The following LTV1 variants were observed in gnomAD, a reference collection of about 807,000 sequenced individuals.
LTV1 encodes LTV1 ribosome biogenesis factor.
LTV1 carries 39 observed loss-of-function variants against 59.9 expected under a neutral mutation model. The ratio of observed to expected loss-of-function variants is 0.65; its 90% CI spans 0.50 to 0.85. LTV1 has a LOEUF of 0.85. LTV1 is among the 40% of genes least tolerant of loss of function. The probability of loss-of-function intolerance (pLI) is 0.00; values close to 1 mark genes in which losing one functional copy is unlikely to be tolerated. For synonymous variants in LTV1, 171 were observed against 189.5 expected (o/e 0.90, Z 0.80); for missense variants, 493 against 549.1 (o/e 0.90, Z 1.02).
intron 7 of LTV1, among the ~76,000 whole-genome samples, chr6:143,860,926 T>A (rs1431295084): frequency 6.6e-6 from 1 of 151,622 alleles, no homozygotes; most frequent in Admixed American, 6.6e-5. Flanking sequence ...GACGGAGTCT[T>A]GCTCTGTTGC....
intron 7 of LTV1, among the ~76,000 whole-genome samples, chr6:143,861,520 G>A (rs1420776178): frequency 1.3e-5 from 2 of 152,100 alleles, no homozygotes; most frequent in African/African-American, 4.8e-5. Context: ...ATTATTCCAA[G>A]CATACGCTTT....
intron 7 of LTV1, among the ~76,000 whole-genome samples, chr6:143,861,518 A>T (rs755920142): frequency 1.6e-4 from 24 of 152,230 alleles, no homozygotes; most frequent in Middle Eastern, 3.4e-3. Context: ...GAATTATTCC[A>T]AGCATACGCT....
Position 143,862,064 on chromosome 6 carries a change from T to C in LTV1, c.924-40T>C, listed in dbSNP as rs1777173575. 1.3e-6 allele frequency: 2 copies of C among 1,588,908 alleles called. No individual in the cohort carries two copies. Among genetic ancestry groups the C allele is most frequent in the Non-Finnish European group, 1.7e-6 (2 of 1,170,246 alleles). ...ACATAGTATAATAATAGGTCATTTT[T>C]CCCCCTCTTGGTCTTCACTTTTAAA... is the stretch of plus-strand genomic sequence containing the variant. On this transcript the variant is annotated intron_variant, in intron 7 of 10. Coordinates refer to ENST00000367576, the MANE Select transcript of LTV1 (RefSeq NM_032860.5). This position sits in a 1 kb window ranked among gnomAD's most constrained non-coding sequence, Gnocchi z 4.2.
Position 143,863,154 on chromosome 6 carries a change from A to T in LTV1, c.1185A>T (p.Thr395=). 1 of 1,614,058 alleles carries T rather than the reference A, an allele frequency of 6.2e-7. No individual in the cohort carries two copies. ...PLNVLPKKGL[T]AKQTERIQMI... Reference sequence around the variant, plus strand: ...ATGTCTTACCAAAGAAAGGACTCACAGCAAAGCAAACTGAAAGAATACAGA... The same window carrying T: ...ATGTCTTACCAAAGAAAGGACTCACTGCAAAGCAAACTGAAAGAATACAGA... The change falls in exon 10 of 11, where the codon ACA becomes ACT. Residue 395 remains threonine (T), a synonymous_variant. Transcript: ENST00000367576. This position sits in a 1 kb window ranked among gnomAD's most constrained non-coding sequence, Gnocchi z 4.5.
intron 6 of LTV1, among the ~76,000 whole-genome samples, chr6:143,859,964 A>T (rs1016898616): frequency 6.6e-6 from 1 of 152,074 alleles, no homozygotes; most frequent in East Asian, 1.9e-4. Flanking sequence ...ATGGCCTGGT[A>T]TGGTGGCATG....
chr6:143,848,568 G>C (rs1776932198), intron 3 of LTV1, among the ~76,000 whole-genome samples: 1 of 152,144 alleles, frequency 6.6e-6, no homozygotes, highest in Admixed American at 6.5e-5. Context: ...CCTCCTCCTG[G>C]GCTGAGGATA....
chr6:143,863,611 G>T lies in LTV1; in HGVS notation c.*84G>T. On this transcript the variant is annotated 3_prime_UTR_variant, in exon 11 of 11. Coordinates refer to ENST00000367576, the MANE Select transcript of LTV1 (RefSeq NM_032860.5). The surrounding 1 kb of genome is among the most constrained non-coding windows in gnomAD (Gnocchi z 4.5). ...CTAGAAACTTCAGAAAGACAAAACT[G>T]TTTGCCATTTTTACTGGCAGATAAG... 1 of 856,640 alleles carries T rather than the reference G, an allele frequency of 1.2e-6. No homozygotes were observed. Among genetic ancestry groups the T allele is most frequent in the Non-Finnish European group, 1.8e-6 (1 of 558,460 alleles). 53.1% of individuals were successfully genotyped at this position (856,640 alleles called of 1,614,324 possible).
At position 143,857,481 on chromosome 6, in the gene LTV1, T is replaced by A. The variant is rs373880919; in HGVS notation, c.539+37T>A. On this transcript the variant is annotated intron_variant, in intron 5 of 10. Transcript: ENST00000367576. This position sits in a 1 kb window ranked among gnomAD's most constrained non-coding sequence, Gnocchi z 5.2. Reference sequence around the variant, plus strand: ...TTGTTTCAAAGCAGAGATGATGACCTAAGTGTTACTGCTTCAGTGGGATGG... The same window carrying A: ...TTGTTTCAAAGCAGAGATGATGACCAAAGTGTTACTGCTTCAGTGGGATGG... 3.0e-5 allele frequency: 46 copies of A among 1,547,260 alleles called. No homozygotes were observed. The highest frequency in any genetic ancestry group is 3.8e-5 in the Non-Finnish European group (43 of 1,120,552).
intron 7 of LTV1, among the ~76,000 whole-genome samples, chr6:143,861,582 G>A (rs897699058): frequency 1.3e-5 from 2 of 152,032 alleles, no homozygotes; most frequent in East Asian, 1.9e-4. Flanking sequence ...TTTACATCTC[G>A]TGGAAAGACA....
rs1159975562 is a variant in LTV1, at chr6:143,857,466, G to A, written c.539+22G>A. 2 of 1,599,864 alleles carry A rather than the reference G, an allele frequency of 1.3e-6. No individual in the cohort carries two copies. The highest frequency in any genetic ancestry group is 4.5e-5 in the East Asian group (2 of 44,794). ...TACAGTATGTGTGGTTTGTTTCAAA[G>A]CAGAGATGATGACCTAAGTGTTACT... On this transcript the variant is annotated intron_variant, in intron 5 of 10. Coordinates refer to ENST00000367576, the MANE Select transcript of LTV1 (RefSeq NM_032860.5). This position sits in a 1 kb window ranked among gnomAD's most constrained non-coding sequence, Gnocchi z 5.2.
In LTV1 at chr6:143,862,037, T is replaced by C. The variant is rs1201350882; in HGVS notation, c.924-67T>C. 6.6e-7 allele frequency: 1 copy of C among 1,505,678 alleles called. No individual in the cohort carries two copies. The highest frequency in any genetic ancestry group is 9.0e-7 in the Non-Finnish European group (1 of 1,112,556). The allele number at this position is 1,505,678 out of a possible 1,614,324, so 93.3% of individuals were successfully genotyped here. A position where few individuals can be genotyped will look rare whatever the true frequency, so the allele number is the denominator to read the frequency against. On this transcript the variant is annotated intron_variant, in intron 7 of 10. Transcript: ENST00000367576. The surrounding 1 kb of genome is among the most constrained non-coding windows in gnomAD (Gnocchi z 4.2). Reference sequence around the variant, plus strand: ...CCACAGCTAAAAATTGCAGTTTTAGTGACATAGTATAATAATAGGTCATTT... The same window carrying C: ...CCACAGCTAAAAATTGCAGTTTTAGCGACATAGTATAATAATAGGTCATTT...
intron 7 of LTV1, 91 bp downstream of exon 7, chr6:143,860,644 G>A (rs1005839089): frequency 3.5e-5 from 38 of 1,083,802 alleles, no homozygotes; most frequent in South Asian, 1.9e-4. Flanking sequence ...CTGAATTGAG[G>A]AAAAAATTAA....
intron 2 of LTV1, 71 bp downstream of exon 2, chr6:143,844,688 A>G: frequency 6.9e-7 from 1 of 1,453,132 alleles, no homozygotes; most frequent in Non-Finnish European, 9.3e-7. Context: ...TTTTTTTTAA[A>G]TAAATAGAGT....
chr6:143,854,264 T>G (rs1464347331), intron 4 of LTV1, among the ~76,000 whole-genome samples: 2 of 152,258 alleles, frequency 1.3e-5, no homozygotes, highest in Non-Finnish European at 2.9e-5. Flanking sequence ...TCTCTGATGG[T>G]AATTTGTATT....
intron 6 of LTV1, among the ~76,000 whole-genome samples, chr6:143,859,523 G>A (rs918063426): frequency 6.6e-6 from 1 of 152,300 alleles, no homozygotes; most frequent in African/African-American, 2.4e-5. Flanking sequence ...AATGATAAAT[G>A]AATGAAGGAA....
In LTV1 at chr6:143,846,094, T is replaced by G; in HGVS notation, c.179T>G (p.Val60Gly). The change falls in exon 3 of 11, where the codon GTG (valine) becomes GGG (glycine). Residue 60 changes from valine to glycine, a missense_variant. Coordinates refer to ENST00000367576, the MANE Select transcript of LTV1 (RefSeq NM_032860.5). ...ERRAEQRKYG[V>G]FFDDDYDYLQ... is the part of the protein sequence containing the mutation. ...CGAGCAGAACAGAGGAAGTATGGAG[T>G]GTTCTTTGATGACGACTATGACTAC... 6.2e-7 allele frequency: 1 copy of G among 1,614,096 alleles called. No individual in the cohort carries two copies. The highest frequency in any genetic ancestry group is 8.5e-7 in the Non-Finnish European group (1 of 1,180,018).
At position 143,844,559 on chromosome 6, in the gene LTV1, G is replaced by A. The variant is rs201229008; in HGVS notation, c.77G>A (p.Arg26Gln). The change falls in exon 2 of 11, where the codon CGA (arginine) becomes CAA (glutamine). Residue 26 changes from arginine to glutamine, a missense_variant. Arg to Gln is a conservative substitution (Grantham distance 43). Transcript: ENST00000367576. ...TTTCACTTGGTCCACCGGAGCCAAC[G>A]AGATCCTTTAGCAGCAGATGAGAGT... Reference protein sequence around the residue: ...VSFHLVHRSQRDPLAADESAP... With the variant: ...VSFHLVHRSQQDPLAADESAP... The A allele has an allele frequency of 3.1e-6, 5 of 1,614,064 alleles. No individual in the cohort carries two copies. Among genetic ancestry groups the A allele is most frequent in the Admixed American group, 1.7e-5 (1 of 60,022 alleles).
intron 4 of LTV1, among the ~76,000 whole-genome samples, chr6:143,851,409 G>C (rs1233090473): frequency 4.3e-5 from 6 of 138,236 alleles, no homozygotes; most frequent in African/African-American, 1.7e-4. Context: ...AAGTATAACA[G>C]TCTAAAAATT....
At chr6:143,852,106 G>T (rs1385943129) in intron 4 of LTV1, among the ~76,000 whole-genome samples, 1 of 152,178 alleles carries the variant, frequency 6.6e-6, no homozygotes, top group Admixed American at 6.5e-5. Flanking sequence ...GGATTGCTGG[G>T]TCAAATGGTA....
Sources: allele counts gnomAD v4.1 joint callset (sites outside exome capture counted in the v4.1 genomes callset), GRCh38; gene constraint gnomAD v4.1.1; non-coding constraint Gnocchi (gnomAD v3.1); transcripts MANE v1.5; gene names NCBI Gene and HGNC (gene_info 2026-07-23, HGNC 2026-07-21).